MACF1: variants seen among roughly 807,000 people sequenced by gnomAD.
MACF1 encodes microtubule actin crosslinking factor 1.
MACF1 carries 193 observed loss-of-function variants against 854.8 expected under a neutral mutation model. The ratio of observed to expected loss-of-function variants is 0.23; its 90% CI spans 0.20 to 0.25. MACF1 has a LOEUF of 0.25. Among genes scored for constraint, MACF1 ranks in the 10% least tolerant of loss-of-function variants. The pLI, the probability that MACF1 is intolerant of heterozygous loss-of-function variation, is 1.00. For synonymous variants in MACF1, 3,185 were observed against 3,226.7 expected (o/e 0.99, Z 0.44); for missense variants, 7,722 against 8,929.1 (o/e 0.86, Z 5.45).
intron 6 of MACF1, among the ~76,000 whole-genome samples, chr1:39,270,907 A>G (rs984280039): frequency 6.6e-6 from 1 of 152,214 alleles, no homozygotes; most frequent in Non-Finnish European, 1.5e-5. Context: ...TTTTCCCCAC[A>G]GACAGCCCCA....
chr1:39,477,903 A>G (rs1644939514), intron 97 of MACF1, among the ~76,000 whole-genome samples: 1 of 151,068 alleles, frequency 6.6e-6, no homozygotes, highest in Non-Finnish European at 1.5e-5. Flanking sequence ...TTCCTAAAAC[A>G]TTTAAAATGT....
chr1:39,363,536 T>C (rs1648386100), intron 49 of MACF1, among the ~76,000 whole-genome samples: 1 of 152,116 alleles, frequency 6.6e-6, no homozygotes, highest in South Asian at 2.1e-4. Flanking sequence ...ATCTTTGTTT[T>C]TTAAACCATA....
At chr1:39,364,553 C>T (rs1485981796) in intron 49 of MACF1, among the ~76,000 whole-genome samples, 4 of 150,640 alleles carry the variant, frequency 2.7e-5, no homozygotes, top group African/African-American at 7.3e-5. Flanking sequence ...AGTGCAGTGG[C>T]GCGATCTCGG....
At chr1:39,295,200 A>G in intron 19 of MACF1, 50 bp downstream of exon 19, 1 of 1,464,588 alleles carries the variant, frequency 6.8e-7, no homozygotes, top group Non-Finnish European at 9.6e-7. Flanking sequence ...GGTTGTTGTT[A>G]TAAAAGTATT....
chr1:39,331,485 TC>T lies in MACF1; in HGVS notation c.4898del (p.Ser1633LeufsTer10). 1.2e-6 allele frequency: 2 copies of T among 1,614,176 alleles called. No individual in the cohort carries two copies. Among genetic ancestry groups the T allele is most frequent in the Non-Finnish European group, 1.7e-6 (2 of 1,180,028 alleles). ...SRLTESRGPLSVVEAIEKRII... is the reference protein window; with the variant it reads ...SRLTESRGPLXVVEAIEKRII... Reference sequence around the variant, plus strand: ...GCTTACTGAGAGCAGAGGCCCTCTTTCTGTGGTGGAAGCAATTGAAAAGAGA... The same window carrying T: ...GCTTACTGAGAGCAGAGGCCCTCTTTTGTGGTGGAAGCAATTGAAAAGAGA... On this transcript the variant is annotated frameshift_variant, in exon 37 of 101. Coordinates refer to ENST00000564288, the MANE Select transcript of MACF1 (RefSeq NM_001394062.1). LOFTEE classifies it high-confidence loss of function.
In MACF1 at chr1:39,479,715, C is replaced by A. The variant is rs1009698553; in HGVS notation, c.21959-83C>A. ...CCCATATAACTTATATAACTGTTAT[C>A]ATGGGGTCAAGCCGCTGTATAACCG... On this transcript the variant is annotated intron_variant, in intron 97 of 100. Coordinates refer to ENST00000564288, the MANE Select transcript of MACF1 (RefSeq NM_001394062.1). 5 of 1,176,336 alleles carry A rather than the reference C, an allele frequency of 4.3e-6. No individual in the cohort carries two copies. The African/African-American group carries it at 7.6e-5, about 18-fold the overall frequency. 72.9% of individuals were successfully genotyped at this position (1,176,336 alleles called of 1,614,324 possible). A position where few individuals can be genotyped will look rare whatever the true frequency, so the allele number is the denominator to read the frequency against.
chr1:39,475,067 T>C (rs976732737), intron 97 of MACF1, among the ~76,000 whole-genome samples: 1 of 152,108 alleles, frequency 6.6e-6, no homozygotes, highest in Non-Finnish European at 1.5e-5. Flanking sequence ...CCTGGGTACT[T>C]ACCACATTGT....
intron 21 of MACF1, chr1:39,298,743 A>G (rs1281986556): frequency 2.6e-6 from 1 of 390,586 alleles, no homozygotes; most frequent in Admixed American, 3.4e-5. Context: ...GAAGGATGAA[A>G]ACCTGACTTT....
At chr1:39,158,458 T>G (rs1247996033) in intron 2 of MACF1, among the ~76,000 whole-genome samples, 1 of 152,214 alleles carries the variant, frequency 6.6e-6, no homozygotes, top group Non-Finnish European at 1.5e-5. Flanking sequence ...TTTGTAAAAC[T>G]TGTCTCATTG....
At chr1:39,233,785 T>TTTTG in intron 2 of MACF1, among the ~76,000 whole-genome samples, 1 of 86,058 alleles carries the variant, frequency 1.2e-5, no homozygotes, top group Non-Finnish European at 2.9e-5. Context: ...CTTTTTTTTT[T>TTTTG]TTTTTTTTTT....
chr1:39,426,508 A>G (rs1027911395), intron 61 of MACF1, among the ~76,000 whole-genome samples: 2 of 152,202 alleles, frequency 1.3e-5, no homozygotes, highest in Non-Finnish European at 2.9e-5. Context: ...GCATGCTAAT[A>G]CAGTTCTGTG....
chr1:39,322,476 A>G, intron 31 of MACF1, 132 bp from the exon 32 acceptor site: 1 of 688,510 alleles, frequency 1.5e-6, no homozygotes, highest in South Asian at 1.8e-5. Context: ...GGCCTTTTAC[A>G]GGAAAAGTTT....
At chr1:39,419,536 A>C (rs999393326) in intron 58 of MACF1, among the ~76,000 whole-genome samples, 1 of 152,248 alleles carries the variant, frequency 6.6e-6, no homozygotes, top group Non-Finnish European at 1.5e-5. Context: ...AATAAATCTG[A>C]AATCAGAAAC....
In MACF1 at chr1:39,387,857, C is replaced by T. The variant is rs369137678; in HGVS notation, c.15015C>T (p.Leu5005=). ...AGCTGCAGGCCAAAACAGGGTCACT[C>T]GAAGAAATGACTCAGAGGCTCAGGG... ...TEELQAKTGS[L]EEMTQRLREF... Residue 5005 remains leucine, a synonymous_variant, in exon 58 of 101, where the codon CTC becomes CTT. Coordinates refer to ENST00000564288, the MANE Select transcript of MACF1 (RefSeq NM_001394062.1). 1.8e-5 allele frequency: 29 copies of T among 1,613,788 alleles called. No homozygotes were observed. The highest frequency in any genetic ancestry group is 2.7e-5 in the African/African-American group (2 of 74,836).
intron 2 of MACF1, among the ~76,000 whole-genome samples, chr1:39,234,568 G>T (rs1467103687): frequency 4.8e-5 from 4 of 82,928 alleles, no homozygotes; most frequent in Admixed American, 1.1e-4. Context: ...CCTCCCTCCC[G>T]GACGGGGCGG....
At chr1:39,178,181 C>CTTTTTTTTTTTTTTTTTTTTTTTTT (rs67390335) in intron 2 of MACF1, among the ~76,000 whole-genome samples, 1 of 137,624 alleles carries the variant, frequency 7.3e-6, no homozygotes, top group Non-Finnish European at 1.5e-5. Context: ...TTTCAACATT[C>CTTTTTTTTTTTTTTTTTTTTTTTTT]TTTTTTTTTT....
At chr1:39,431,309 A>G (rs1643872621) in intron 66 of MACF1, among the ~76,000 whole-genome samples, 1 of 130,292 alleles carries the variant, frequency 7.7e-6, no homozygotes, top group Non-Finnish European at 1.6e-5. Flanking sequence ...CAAATATGCA[A>G]ACCAAAATAG....
intron 2 of MACF1, among the ~76,000 whole-genome samples, chr1:39,180,535 G>A (rs990610026): frequency 2.6e-5 from 4 of 152,186 alleles, no homozygotes; most frequent in African/African-American, 9.7e-5. Context: ...AGAATCGCTT[G>A]AATCTGGGAG....
chr1:39,428,258 G>T lies in MACF1; in HGVS notation c.16774G>T (p.Val5592Phe). Residue 5592 changes from valine to phenylalanine, a missense_variant, in exon 63 of 101, where the codon GTC (valine) becomes TTC (phenylalanine). Transcript: ENST00000564288. ...SVFVKDFKQD[V>F]LHRQHADHLA... ...GTTCGTAAAGGATTTCAAACAGGAT[G>T]TCCTGCACAGGCAGCATGCTGACCA... 6.2e-7 allele frequency: 1 copy of T among 1,612,896 alleles called. No homozygotes were observed. The highest frequency in any genetic ancestry group is 1.1e-5 in the South Asian group (1 of 90,824).
Sources: allele counts gnomAD v4.1 joint callset (sites outside exome capture counted in the v4.1 genomes callset), GRCh38; gene constraint gnomAD v4.1.1; transcripts MANE v1.5; gene names NCBI Gene and HGNC (gene_info 2026-07-23, HGNC 2026-07-21).